DAB1: variants seen among roughly 807,000 people sequenced by gnomAD.
DAB1 encodes disabled homolog 1.
A neutral mutation model predicts 64.6 loss-of-function variants in DAB1; 15 were observed. That is an observed-to-expected ratio of 0.23 (90% CI 0.16 to 0.36). DAB1 has a LOEUF of 0.36. Among genes scored for constraint, DAB1 ranks in the 10% least tolerant of loss-of-function variants. The pLI is 1.00. For missense variants in DAB1, 596 were observed against 706.7 expected (o/e 0.84, Z 1.78); for synonymous variants, 235 against 251.9 (o/e 0.93, Z 0.64).
At position 57,890,059 on chromosome 1, in the gene DAB1, T is replaced by A. The variant is rs1054725578; in HGVS notation, n.388-5897A>T. 2.6e-5 allele frequency among the ~76,000 whole-genome samples: 4 copies of A among 152,106 alleles called. 1 individual carries two copies. The South Asian group carries it at 8.3e-4, about 32-fold the overall frequency. ...AGATAGAAAGCAGGAAGAGTGGCAA[T>A]GGAGCCCACGGTCGAGTGGGAGGAG... On this transcript the variant is annotated intron_variant and non_coding_transcript_variant, in intron 5 of 20. Transcript: ENST00000485760.
intron 1 of DAB1, among the ~76,000 whole-genome samples, chr1:58,531,759 G>T (rs1646438054): frequency 1.3e-5 from 2 of 151,850 alleles, no homozygotes; most frequent in South Asian, 4.2e-4. Flanking sequence ...GCCCAAGCTG[G>T]AGTGCAGTGG....
At chr1:58,118,206 C>T (rs2797611) in intron 5 of DAB1, among the ~76,000 whole-genome samples, 1,728 of 150,840 alleles carry the variant, frequency 0.011, 19 homozygotes, top group Middle Eastern at 0.02. Context: ...CCACCGCACC[C>T]GGTCAGGCCT....
intron 1 of DAB1, among the ~76,000 whole-genome samples, chr1:57,383,468 G>T (rs920694135): frequency 6.6e-6 from 1 of 152,138 alleles, no homozygotes; most frequent in African/African-American, 2.4e-5. Flanking sequence ...ACGTTTTCAT[G>T]GGTTCACTGG....
At chr1:58,236,094 C>T (rs1187985324) in intron 4 of DAB1, among the ~76,000 whole-genome samples, 1 of 149,798 alleles carries the variant, frequency 6.7e-6, no homozygotes, top group Non-Finnish European at 1.5e-5. Context: ...GGCCTGCAGC[C>T]CTGCCCGCCC....
At chr1:57,129,942 C>G (rs761249295) in intron 4 of DAB1, among the ~76,000 whole-genome samples, 1 of 152,020 alleles carries the variant, frequency 6.6e-6, no homozygotes, top group Non-Finnish European at 1.5e-5. Flanking sequence ...GAATGCCTTC[C>G]CTTTTACCTT....
At chr1:58,362,011 C>T (rs11584105) in intron 3 of DAB1, among the ~76,000 whole-genome samples, 31,808 of 151,564 alleles carry the variant, frequency 0.21, 3,378 homozygotes, top group South Asian at 0.27. Flanking sequence ...ATTACAGGTG[C>T]ATGCCACCAC....
intron 2 of DAB1, among the ~76,000 whole-genome samples, chr1:57,272,982 C>A (rs902239795): frequency 2.6e-5 from 4 of 152,186 alleles, no homozygotes; most frequent in Admixed American, 2.6e-4. Flanking sequence ...TGTTCCCCCC[C>A]ATTTCAGCCC....
intron 6 of DAB1, among the ~76,000 whole-genome samples, chr1:57,783,376 A>AT (rs1194540075): frequency 6.6e-6 from 1 of 152,214 alleles, no homozygotes; most frequent in East Asian, 1.9e-4. Flanking sequence ...TGTGGGGATT[A>AT]TAGGCATGTG....
rs1569818876 is a variant in DAB1 at position 57,187,704 on chromosome 1, G to A, written c.68-42275C>T. ...AAAACTGGGGCTAAAAAGAGGTTAA[G>A]AAACTTGCCAACAACGACTTGTGTC... On this transcript the variant is annotated intron_variant, in intron 2 of 14. Transcript: ENST00000371236. Among the ~76,000 whole-genome samples the A allele has an allele frequency of 2.0e-5, 3 of 152,336 alleles. No individual in the cohort carries two copies. In the South Asian group the frequency reaches 6.2e-4, roughly 32 times the overall value.
intron 7 of DAB1, among the ~76,000 whole-genome samples, chr1:57,540,256 C>A (rs1644785912): frequency 6.6e-6 from 1 of 152,098 alleles, no homozygotes; most frequent in African/African-American, 2.4e-5. Context: ...TATCATCTTA[C>A]CCCAGTTAGA....
intron 3 of DAB1, among the ~76,000 whole-genome samples, chr1:58,487,596 C>A (rs757892153): frequency 3.9e-5 from 6 of 152,166 alleles, no homozygotes; most frequent in Non-Finnish European, 5.9e-5. Flanking sequence ...CCCATCAGGG[C>A]TAGGCGTCCT....
chr1:57,256,098 A>G (rs1286849406), intron 2 of DAB1, among the ~76,000 whole-genome samples: 1 of 152,174 alleles, frequency 6.6e-6, no homozygotes, highest in Non-Finnish European at 1.5e-5. Context: ...CAATTGCTTG[A>G]TATTATCCCT....
At chr1:57,951,329 T>TATATATATATATATATATATATATATAG (rs1645273703) in intron 5 of DAB1, among the ~76,000 whole-genome samples, 1 of 135,866 alleles carries the variant, frequency 7.4e-6, no homozygotes, top group African/African-American at 2.6e-5. Flanking sequence ...TATATATATA[T>TATATATATATATATATATATATATATAG]ATACTTCCCT....
intron 6 of DAB1, among the ~76,000 whole-genome samples, chr1:57,692,902 C>T (rs1646780517): frequency 6.6e-6 from 1 of 152,176 alleles, no homozygotes; most frequent in Non-Finnish European, 1.5e-5. Flanking sequence ...TGAAATCAGA[C>T]AATGCCTTTC....
At chr1:57,247,725 C>A (rs1668993254) in intron 2 of DAB1, among the ~76,000 whole-genome samples, 1 of 152,166 alleles carries the variant, frequency 6.6e-6, no homozygotes, top group African/African-American at 2.4e-5. Context: ...CTGGTTCTAG[C>A]CCACATAATA....
chr1:57,672,056 C>T lies in DAB1; in HGVS notation n.552-22391G>A, dbSNP rs182578385. 1.6e-4 allele frequency among the ~76,000 whole-genome samples: 24 copies of T among 152,184 alleles called. No homozygotes were observed. In the East Asian group the frequency reaches 4.4e-3, roughly 28 times the overall value. ...ACATTCATTATCTTAATTATCACAA[C>T]TTCCATCTGAGATATACTTTAACTT... On this transcript the variant is annotated intron_variant and non_coding_transcript_variant, in intron 6 of 20. Coordinates refer to the DAB1 transcript ENST00000485760.
intron 7 of DAB1, among the ~76,000 whole-genome samples, chr1:57,493,265 C>A (rs1232866686): frequency 1.3e-5 from 2 of 152,082 alleles, no homozygotes. Context: ...CCAGAACCCA[C>A]CCATGAAACA....
At chr1:57,874,852 G>A (rs146276108) in intron 1 of DAB1, among the ~76,000 whole-genome samples, 38 of 152,240 alleles carry the variant, frequency 2.5e-4, no homozygotes, top group Non-Finnish European at 5.0e-4. Flanking sequence ...GAGAGTGCAG[G>A]AAGGCAATAA....
At chr1:57,083,576 T>C (rs189851104) in intron 4 of DAB1, among the ~76,000 whole-genome samples, 142 of 152,318 alleles carry the variant, frequency 9.3e-4, no homozygotes, top group African/African-American at 2.3e-3. Flanking sequence ...TTTTGTGTTG[T>C]ACCCAGTCTG....
Sources: allele counts gnomAD v4.1 joint callset (sites outside exome capture counted in the v4.1 genomes callset), GRCh38; gene constraint gnomAD v4.1.1; transcripts MANE v1.5; gene names NCBI Gene and HGNC (gene_info 2026-07-23, HGNC 2026-07-21).